Variants in BNC2 observed in about 807,000 individuals in gnomAD.
BNC2 encodes basonuclin zinc finger protein 2.
A neutral mutation model predicts 76.3 loss-of-function variants in BNC2; 20 were observed. The ratio of observed to expected loss-of-function variants is 0.26; its 90% CI spans 0.18 to 0.38. The LOEUF (loss-of-function observed/expected upper bound fraction) is 0.38. Among genes scored for constraint, BNC2 ranks in the 10% least tolerant of loss-of-function variants. The pLI is 1.00. For missense variants in BNC2, 1,382 were observed against 1,399.8 expected, an observed-to-expected ratio of 0.99 and a Z score of 0.20; for synonymous variants, 582 against 514.8, an observed-to-expected ratio of 1.13 and a Z score of -1.77.
rs1554729473 is a variant in BNC2 at position 16,780,249 on chromosome 9, A to AC, written c.4-41765_4-41764insG. ...AGACTTCGTTTCAAAAAAAAAAAAA[A>AC]AAAAAAACAAAAAAAAACTACTGAA... On this transcript the variant is annotated intron_variant, in intron 1 of 6. Coordinates refer to ENST00000380672, the MANE Select transcript of BNC2 (RefSeq NM_017637.6). Among the ~76,000 whole-genome samples the AC allele has an allele frequency of 2.6e-3, 344 of 132,078 alleles. 7 individuals carry two copies. The highest frequency in any genetic ancestry group is 0.012 in the African/African-American group (337 of 28,782). 86.6% of individuals were successfully genotyped at this position (132,078 alleles called of 152,430 possible). A position where few individuals can be genotyped will look rare whatever the true frequency, so the allele number is the denominator to read the frequency against.
intron 1 of BNC2, among the ~76,000 whole-genome samples, chr9:16,826,790 T>G (rs946948091): frequency 6.6e-6 from 1 of 151,962 alleles, no homozygotes; most frequent in Admixed American, 6.6e-5. Context: ...CTATGGAAAA[T>G]AGCCTAAAGA....
At chr9:16,503,619 C>G (rs1822566156) in intron 5 of BNC2, among the ~76,000 whole-genome samples, 1 of 152,040 alleles carries the variant, frequency 6.6e-6, no homozygotes, top group East Asian at 1.9e-4. Context: ...GTCAAGCAGT[C>G]TCTCAAAAAA....
rs1436381411 is a variant in BNC2, at chr9:16,410,699, C to T, written c.*8290G>A. 1 of 152,270 alleles carries T rather than the reference C, an allele frequency of 6.6e-6. No homozygotes were observed. The highest frequency in any genetic ancestry group is 1.5e-5 in the Non-Finnish European group (1 of 68,022). The allele number at this position is 152,270 out of a possible 1,614,324, so 9.4% of individuals were successfully genotyped here. ...GGAGGGCGTGTTCTACCTTCTTGCTCAAACATGATTTATTTTTTAAGGGGG... is the reference window on the plus strand; with the variant it reads ...GGAGGGCGTGTTCTACCTTCTTGCTTAAACATGATTTATTTTTTAAGGGGG... On this transcript the variant is annotated 3_prime_UTR_variant, in exon 7 of 7. Transcript: ENST00000380672.
At chr9:16,712,170 G>A (rs974160351) in intron 3 of BNC2, among the ~76,000 whole-genome samples, 2 of 152,174 alleles carry the variant, frequency 1.3e-5, no homozygotes, top group Non-Finnish European at 2.9e-5. Flanking sequence ...ACAAAACTAT[G>A]TCAAGTATAG....
At chr9:16,675,462 G>A (rs950026347) in intron 3 of BNC2, among the ~76,000 whole-genome samples, 4 of 151,974 alleles carry the variant, frequency 2.6e-5, no homozygotes, top group Non-Finnish European at 4.4e-5. Context: ...CTTTTGCCAT[G>A]TTGCCCACAC....
At chr9:16,646,977 C>T (rs1277426169) in intron 3 of BNC2, among the ~76,000 whole-genome samples, 7 of 152,064 alleles carry the variant, frequency 4.6e-5, no homozygotes, top group African/African-American at 1.7e-4. Flanking sequence ...GTAGACCATG[C>T]CCACCCATGA....
chr9:16,756,917 G>T (rs1292349530), intron 1 of BNC2, among the ~76,000 whole-genome samples: 1 of 151,600 alleles, frequency 6.6e-6, no homozygotes, highest in Non-Finnish European at 1.5e-5. Context: ...CCTGAACCCG[G>T]GAGGTGGAGC....
intron 1 of BNC2, among the ~76,000 whole-genome samples, chr9:16,780,174 T>C (rs911181699): frequency 7.5e-6 from 1 of 132,928 alleles, no homozygotes; most frequent in Non-Finnish European, 1.5e-5. Flanking sequence ...AGGCGGAGCT[T>C]GCAGTGAGCC....
At chr9:16,588,195 C>T (rs1337400) in intron 3 of BNC2, among the ~76,000 whole-genome samples, 132,675 of 152,254 alleles carry the variant, frequency 0.87, 58,744 homozygotes, top group East Asian at 1. Context: ...TTAACCTATC[C>T]GGCAACAGGA....
At chr9:16,785,893 T>G (rs776002022) in intron 1 of BNC2, among the ~76,000 whole-genome samples, 2 of 152,048 alleles carry the variant, frequency 1.3e-5, no homozygotes, top group African/African-American at 4.8e-5. Flanking sequence ...CTGGGGCCTT[T>G]TCCCAGGGCC....
chr9:16,517,155 G>C (rs1817467034), intron 5 of BNC2, among the ~76,000 whole-genome samples: 1 of 152,168 alleles, frequency 6.6e-6, no homozygotes, highest in Non-Finnish European at 1.5e-5. Context: ...AATTTATTGA[G>C]GGTTATTTAC....
At chr9:16,734,905 T>C (rs1191358853) in intron 2 of BNC2, among the ~76,000 whole-genome samples, 1 of 152,156 alleles carries the variant, frequency 6.6e-6, no homozygotes, top group Non-Finnish European at 1.5e-5. Flanking sequence ...CTAAATATTA[T>C]CTAAAAGCTT....
chr9:16,870,612 GAAT>G, intron 1 of BNC2, 31 bp downstream of exon 1: 3 of 1,609,348 alleles, frequency 1.9e-6, no homozygotes, highest in Non-Finnish European at 2.5e-6. Flanking sequence ...AGGAAGTCTA[GAAT>G]AAAAGAGGAA....
intron 2 of BNC2, among the ~76,000 whole-genome samples, chr9:16,736,865 G>A (rs111289235): frequency 0.27 from 40,643 of 151,584 alleles, 8,655 homozygotes; most frequent in East Asian, 0.61. Flanking sequence ...GGAGTGCAAC[G>A]GCACCATCTC....
At chr9:16,476,453 A>G (rs887256476) in intron 5 of BNC2, among the ~76,000 whole-genome samples, 8 of 151,814 alleles carry the variant, frequency 5.3e-5, no homozygotes, top group African/African-American at 1.9e-4. Context: ...CATTTTCCTC[A>G]TTAATTGCAA....
intron 4 of BNC2, among the ~76,000 whole-genome samples, chr9:16,569,630 GA>G (rs1167413103): frequency 3.9e-5 from 6 of 152,184 alleles, no homozygotes; most frequent in South Asian, 2.1e-4. Flanking sequence ...CTGGCTAGTA[GA>G]TTAAACAGGT....
chr9:16,797,320 G>T (rs1367069974), intron 1 of BNC2, among the ~76,000 whole-genome samples: 1 of 152,098 alleles, frequency 6.6e-6, no homozygotes, highest in African/African-American at 2.4e-5. Flanking sequence ...ACTATACAAT[G>T]GAAAGGATGA....
chr9:16,507,969 C>A (rs1450456914), intron 5 of BNC2, among the ~76,000 whole-genome samples: 1 of 152,110 alleles, frequency 6.6e-6, no homozygotes, highest in Non-Finnish European at 1.5e-5. Flanking sequence ...AATGAGAATG[C>A]AAATTACAGA....
intron 5 of BNC2, among the ~76,000 whole-genome samples, chr9:16,493,299 A>AC (rs967402198): frequency 2.2e-4 from 33 of 152,176 alleles, no homozygotes. Context: ...ACCTTATCTG[A>AC]CCACATCCAG....
Sources: gnomAD v4.1 joint callset for allele counts (sites outside exome capture counted in the v4.1 genomes callset) on GRCh38, gnomAD v4.1.1 for gene constraint, MANE v1.5 for transcripts, NCBI Gene and HGNC (gene_info 2026-07-23, HGNC 2026-07-21) for gene names.